The following MROH7 variants were observed in gnomAD, a reference collection of about 807,000 sequenced individuals.
MROH7 encodes maestro heat like repeat family member 7.
Under a neutral mutation model 129.2 loss-of-function variants are expected in MROH7, and 113 were observed. The observed-to-expected ratio is 0.87, with a 90% CI of 0.75 to 1.02. The LOEUF (loss-of-function observed/expected upper bound fraction) is 1.02. Among genes scored for constraint, MROH7 ranks in the 50% least tolerant of loss-of-function variants. The probability of loss-of-function intolerance (pLI) is 0.00; values close to 1 mark genes in which losing one functional copy is unlikely to be tolerated. For missense variants in MROH7, 1,601 were observed against 1,671.3 expected (o/e 0.96, Z 0.73); for synonymous variants, 655 against 667.9 (o/e 0.98, Z 0.30).
At chr1:54,667,480 G>A (rs1260263464) in intron 4 of MROH7, among the ~76,000 whole-genome samples, 2 of 151,648 alleles carry the variant, frequency 1.3e-5, no homozygotes, top group African/African-American at 4.8e-5. Flanking sequence ...TTAAGTTGGA[G>A]TTTTAGCTCT....
intron 10 of MROH7, among the ~76,000 whole-genome samples, chr1:54,675,639 C>T (rs1313463265): frequency 6.6e-6 from 1 of 151,706 alleles, no homozygotes; most frequent in Non-Finnish European, 1.5e-5. Flanking sequence ...GCTCTGTTGC[C>T]CAGGCTAGAG....
chr1:54,707,246 C>T (rs913639720), intron 22 of MROH7, among the ~76,000 whole-genome samples: 1 of 152,328 alleles, frequency 6.6e-6, no homozygotes, highest in East Asian at 1.9e-4. Context: ...ACTCACCCCT[C>T]CCTCCAAATA....
chr1:54,679,961 C>A lies in MROH7; in HGVS notation c.2297C>A (p.Ala766Asp). Residue 766 changes from alanine (A) to aspartate (D), a missense_variant, in exon 13 of 24, where the codon GCC becomes GAC. Transcript: ENST00000421030. ...HIQEPRARQV[A>D]LLPVSLLASS... The stretch of plus-strand genomic sequence containing the variant: ...CAGGAGCCTCGGGCCCGCCAGGTGG[C>A]CCTGCTGCCCGTCTCCCTCCTGGCT... The A allele has an allele frequency of 1.2e-6, 2 of 1,613,932 alleles. No homozygotes were observed. Among genetic ancestry groups the A allele is most frequent in the Non-Finnish European group, 1.7e-6 (2 of 1,179,944 alleles).
chr1:54,670,660 T>G, intron 6 of MROH7, 84 bp downstream of exon 6: 33 of 1,061,610 alleles, frequency 3.1e-5, no homozygotes, highest in Non-Finnish European at 3.6e-5. Context: ...CGCTGTACCC[T>G]CCCCCAACCC....
At chr1:54,686,193 G>C in intron 14 of MROH7, 65 bp from the exon 15 acceptor site, 1 of 1,445,324 alleles carries the variant, frequency 6.9e-7, no homozygotes, top group Non-Finnish European at 9.4e-7. Context: ...GGCAGTCCAG[G>C]CCCCAGCCAG....
At chr1:54,676,421 A>G (rs1286856528) in intron 10 of MROH7, among the ~76,000 whole-genome samples, 1 of 151,554 alleles carries the variant, frequency 6.6e-6, no homozygotes, top group Non-Finnish European at 1.5e-5. Flanking sequence ...TATTACTATT[A>G]TTTTTTGAGA....
At chr1:54,695,746 G>A (rs1049522488) in intron 17 of MROH7, 10 of 518,608 alleles carry the variant, frequency 1.9e-5, no homozygotes, top group Non-Finnish European at 3.6e-5. Context: ...ACCTCTGTGT[G>A]TCAGGCACGA....
intron 7 of MROH7, 37 bp downstream of exon 7, chr1:54,670,966 G>T: frequency 6.4e-7 from 1 of 1,557,652 alleles, no homozygotes; most frequent in Non-Finnish European, 8.7e-7. Flanking sequence ...CTCAGGGCTG[G>T]CCCATGTTCT....
chr1:54,693,663 A>G lies in MROH7; in HGVS notation c.2849+1102A>G, dbSNP rs183120849. Among the ~76,000 whole-genome samples the G allele has an allele frequency of 1.3e-4, 20 of 152,188 alleles. No individual in the cohort carries two copies. In the East Asian group the frequency reaches 3.5e-3, roughly 26 times the overall value. On this transcript the variant is annotated intron_variant, in intron 16 of 23. Coordinates refer to ENST00000421030, the MANE Select transcript of MROH7 (RefSeq NM_001039464.4). ...TTCCCCAGGCCATGCACAGCTTCCC[A>G]CGGGGTCAAGAGGGAGCACCTTGAT... is the stretch of plus-strand genomic sequence containing the variant.
chr1:54,677,166 A>G (rs921527836), intron 10 of MROH7, among the ~76,000 whole-genome samples: 10 of 152,042 alleles, frequency 6.6e-5, no homozygotes, highest in East Asian at 2.0e-4. Context: ...TGGGAGGCCA[A>G]GGCAGGTGGA....
At chr1:54,654,384 G>A (rs1644608703) in intron 3 of MROH7, among the ~76,000 whole-genome samples, 1 of 152,192 alleles carries the variant, frequency 6.6e-6, no homozygotes, top group Non-Finnish European at 1.5e-5. Context: ...TGTAATATCA[G>A]TATATAGCCG....
Position 54,673,075 on chromosome 1 carries a change from C to T in MROH7, c.1600-16C>T. 1.2e-6 allele frequency: 2 copies of T among 1,604,248 alleles called. No individual in the cohort carries two copies. The highest frequency in any genetic ancestry group is 1.7e-6 in the Non-Finnish European group (2 of 1,171,638). ...CCAGAGGTGCCTTAGTGGCTTGGTC[C>T]TCCTCCCATCCACAGGCTCTTTACC... On this transcript the variant is annotated splice_polypyrimidine_tract_variant and intron_variant, in intron 7 of 23. Transcript: ENST00000421030.
chr1:54,699,458 G>A (rs12566444), intron 17 of MROH7: 24,937 of 151,574 alleles, frequency 0.16, 2,469 homozygotes, highest in Non-Finnish European at 0.22. Context: ...CACCGTGCCC[G>A]GCTAATTTTT....
chr1:54,653,937 G>C lies in MROH7; in HGVS notation c.1011G>C (p.Leu337=). ...MTLILGSNET[L]SLDSSLLFSD... is the part of the protein sequence containing the mutation. ...TAATCCTGGGTTCCAATGAGACTCT[G>C]AGCCTGGACTCCAGCCTCCTGTTCA... Residue 337 remains leucine, a synonymous_variant, in exon 3 of 24, where the codon CTG becomes CTC. Coordinates refer to ENST00000421030, the MANE Select transcript of MROH7 (RefSeq NM_001039464.4). The C allele has an allele frequency of 1.2e-6, 2 of 1,614,134 alleles. No individual in the cohort carries two copies. The highest frequency in any genetic ancestry group is 1.6e-4 in the Middle Eastern group (1 of 6,062).
At chr1:54,688,520 A>G (rs1645185894) in intron 15 of MROH7, among the ~76,000 whole-genome samples, 1 of 152,204 alleles carries the variant, frequency 6.6e-6, no homozygotes, top group South Asian at 2.1e-4. Context: ...AGTGGGCTTG[A>G]GTCTGAAGGT....
At chr1:54,647,568 C>G (rs6687281) in intron 1 of MROH7, among the ~76,000 whole-genome samples, 10 of 151,738 alleles carry the variant, frequency 6.6e-5, no homozygotes, top group Admixed American at 6.6e-4. Flanking sequence ...GATGAAACCC[C>G]GTCGCTACTA....
At chr1:54,650,708 A>G (rs1388557978) in intron 1 of MROH7, among the ~76,000 whole-genome samples, 40 of 146,738 alleles carry the variant, frequency 2.7e-4, no homozygotes, top group Non-Finnish European at 1.5e-4. Context: ...CTCCCTATGC[A>G]TGTTGATCGC....
At chr1:54,709,892 C>A in intron 23 of MROH7, 54 bp from the exon 24 acceptor site, 1 of 1,581,782 alleles carries the variant, frequency 6.3e-7, no homozygotes. Flanking sequence ...AGGTATGAGA[C>A]CCACATAGGG....
At chr1:54,655,944 A>G (rs1569867504) in intron 3 of MROH7, among the ~76,000 whole-genome samples, 2 of 134,394 alleles carry the variant, frequency 1.5e-5, no homozygotes, top group Middle Eastern at 4.2e-3. Flanking sequence ...CCAAGGCTGG[A>G]GTGTAATGGC....
Sources: gnomAD v4.1 joint callset for allele counts (sites outside exome capture counted in the v4.1 genomes callset) on GRCh38, gnomAD v4.1.1 for gene constraint, MANE v1.5 for transcripts, NCBI Gene and HGNC (gene_info 2026-07-23, HGNC 2026-07-21) for gene names.